CUX1: variants seen among roughly 807,000 people sequenced by gnomAD.
The protein encoded by CUX1 is cut like homeobox 1, also known as protein CASP.
In CUX1, 31 loss-of-function variants were observed where a neutral mutation model predicts 158.8. The observed-to-expected ratio is 0.20, with a 90% CI of 0.15 to 0.26. The LOEUF (loss-of-function observed/expected upper bound fraction) is 0.26. CUX1 is among the 10% of genes least tolerant of loss of function. The pLI is 1.00. For missense variants in CUX1, 1,589 were observed against 2,014.6 expected (o/e 0.79, Z 4.04); for synonymous variants, 879 against 862.1 (o/e 1.02, Z -0.34).
intron 5 of CUX1, among the ~76,000 whole-genome samples, chr7:102,100,234 C>A (rs1295931290): frequency 6.6e-6 from 1 of 152,138 alleles, no homozygotes; most frequent in Admixed American, 6.5e-5. Context: ...GCTAAGATCA[C>A]ACCACTGTAC....
At chr7:101,875,699 G>A (rs530911801) in intron 1 of CUX1, among the ~76,000 whole-genome samples, 7 of 152,296 alleles carry the variant, frequency 4.6e-5, no homozygotes, top group South Asian at 2.1e-4. Context: ...CAGTGCCCAC[G>A]GGTAGGTGCG....
intron 2 of CUX1, among the ~76,000 whole-genome samples, chr7:101,918,702 C>G (rs1245688759): frequency 6.6e-6 from 1 of 152,248 alleles, no homozygotes; most frequent in Non-Finnish European, 1.5e-5. Flanking sequence ...GGGGCGCCCA[C>G]GCGGAAAGTC....
intron 2 of CUX1, among the ~76,000 whole-genome samples, chr7:101,994,663 G>A (rs1815593580): frequency 6.6e-6 from 1 of 152,146 alleles, no homozygotes; most frequent in South Asian, 2.1e-4. Context: ...CTGGACCTGG[G>A]CTGAAGGCTT....
intron 4 of CUX1, among the ~76,000 whole-genome samples, chr7:102,088,503 G>A (rs1554481265): frequency 6.6e-6 from 1 of 151,808 alleles, no homozygotes; most frequent in Admixed American, 6.6e-5. Flanking sequence ...GTGTGATGGT[G>A]CACACCTGTA....
At chr7:102,175,994 G>T (rs528764253) in intron 10 of CUX1, among the ~76,000 whole-genome samples, 1 of 152,350 alleles carries the variant, frequency 6.6e-6, no homozygotes, top group Admixed American at 6.5e-5. Context: ...AGCTCACGCT[G>T]CACAGAACGG....
At chr7:102,280,239 C>A in intron 19 of CUX1, 1 of 655,946 alleles carries the variant, frequency 1.5e-6, no homozygotes, top group South Asian at 1.8e-5. Context: ...TCCCCTCCAC[C>A]TGCCCTTGTC....
chr7:102,259,233 G>A (rs1790194810), downstream of CUX1, among the ~76,000 whole-genome samples: 1 of 152,184 alleles, frequency 6.6e-6, no homozygotes, highest in Non-Finnish European at 1.5e-5. Flanking sequence ...ACTTAGGGCC[G>A]GGGGTGTCTC....
intron 4 of CUX1, among the ~76,000 whole-genome samples, chr7:102,089,353 G>A (rs1431916698): frequency 1.3e-5 from 2 of 152,142 alleles, no homozygotes; most frequent in Admixed American, 6.5e-5. Context: ...TGCATGTCTA[G>A]TAATTTCCTA....
chr7:102,205,134 C>A lies in CUX1; in HGVS notation c.3094C>A (p.Leu1032Ile), dbSNP rs140236085. ...TTTAGTCCTCCACTCCGTGACATCG[C>A]TCCAGGACCCGCTGCAGCAGGGCTG... Reference protein sequence around the residue: ...QGPVLHSVTSLQDPLQQGCVS... With the variant: ...QGPVLHSVTSIQDPLQQGCVS... Residue 1032 changes from leucine to isoleucine, a missense_variant, in exon 20 of 24, where the codon CTC becomes ATC. Transcript: ENST00000292535. 1 of 1,611,898 alleles carries A rather than the reference C, an allele frequency of 6.2e-7. No homozygotes were observed. Among genetic ancestry groups the A allele is most frequent in the African/African-American group, 1.3e-5 (1 of 74,910 alleles).
chr7:102,093,976 C>T (rs192036738), intron 4 of CUX1, among the ~76,000 whole-genome samples: 2 of 152,118 alleles, frequency 1.3e-5, no homozygotes, highest in African/African-American at 2.4e-5. Flanking sequence ...ATCTGACGTT[C>T]GCATAAGACC....
rs11427183 is a variant in CUX1, at chr7:102,041,256, CTTTTTTT to C, written c.189+13132_189+13138del. ...GGGAGATTGTCACCTCTTATCCATT[CTTTTTTT>C]TTTTTTTTTTTTTTTTTTTTGAAAT... is the stretch of plus-strand genomic sequence containing the variant. On this transcript the variant is annotated intron_variant, in intron 3 of 23. Coordinates refer to ENST00000292535, the MANE Select transcript of CUX1 (RefSeq NM_181552.4). Among the ~76,000 whole-genome samples, 19 of 69,912 alleles carry C rather than the reference CTTTTTTT, an allele frequency of 2.7e-4. No individual in the cohort carries two copies. In the South Asian group the frequency reaches 2.9e-3, roughly 11 times the overall value. The allele number at this position is 69,912 out of a possible 152,430, so 45.9% of individuals were successfully genotyped here.
chr7:102,028,515 G>A (rs1820325536), intron 3 of CUX1, among the ~76,000 whole-genome samples: 1 of 152,224 alleles, frequency 6.6e-6, no homozygotes, highest in South Asian at 2.1e-4. Context: ...TGCCATGAGT[G>A]TGTGCCATAA....
At position 102,253,307 on chromosome 7, in the gene CUX1, C is replaced by G; in HGVS notation, c.*4265C>G. The stretch of plus-strand genomic sequence containing the variant: ...CTCCCTCCTTGGCCAGGGCCAGCAT[C>G]AGGCGTGCAGCTCATGACCAGTTTA... On this transcript the variant is annotated 3_prime_UTR_variant, in exon 24 of 24. Transcript: ENST00000292535. The G allele has an allele frequency of 1.0e-6, 1 of 985,584 alleles. No individual in the cohort carries two copies. 61.1% of individuals were successfully genotyped at this position (985,584 alleles called of 1,614,324 possible).
In CUX1 at chr7:102,015,579, G is replaced by A. The variant is rs564803229; in HGVS notation, c.142-12519G>A. 2.6e-5 allele frequency among the ~76,000 whole-genome samples: 4 copies of A among 152,258 alleles called. No homozygotes were observed. In the South Asian group the frequency reaches 8.3e-4, roughly 32 times the overall value. On this transcript the variant is annotated intron_variant, in intron 2 of 23. Transcript: ENST00000292535. Reference sequence around the variant, plus strand: ...AAGGAAAAAGAAAAACCATAATTGTGTTCACTTAGAAACATCTCCCATTTC... The same window carrying A: ...AAGGAAAAAGAAAAACCATAATTGTATTCACTTAGAAACATCTCCCATTTC...
In CUX1 at chr7:102,197,024, A is replaced by G. The variant is rs1379502978; in HGVS notation, c.1613A>G (p.Gln538Arg). Residue 538 changes from glutamine to arginine, a missense_variant, in exon 15 of 24, where the codon CAG becomes CGG. By Grantham distance (43) the Gln-to-Arg change is conservative. Transcript: ENST00000292535. ...DVNGMAPSPS[Q>R]SESAGSVSEG... ...AATGGCATGGCCCCATCCCCCAGCC[A>G]GTCAGAAAGTGCTGGGAGCGTCTCC... The G allele has an allele frequency of 6.2e-7, 1 of 1,614,140 alleles. No individual in the cohort carries two copies. The highest frequency in any genetic ancestry group is 8.5e-7 in the Non-Finnish European group (1 of 1,180,052).
intron 2 of CUX1, among the ~76,000 whole-genome samples, chr7:101,984,070 C>A (rs1585172681): frequency 2.4e-5 from 1 of 42,492 alleles, no homozygotes; most frequent in East Asian, 5.2e-4. Flanking sequence ...AAGACTCTGT[C>A]CCCCCCCAAA....
intron 3 of CUX1, among the ~76,000 whole-genome samples, chr7:102,035,903 G>C (rs1417065695): frequency 6.6e-6 from 1 of 151,918 alleles, no homozygotes; most frequent in Non-Finnish European, 1.5e-5. Context: ...ACAGAGTCTC[G>C]CTCTGTCACC....
intron 2 of CUX1, among the ~76,000 whole-genome samples, chr7:102,006,745 T>C (rs1817421676): frequency 6.6e-6 from 1 of 152,230 alleles, no homozygotes; most frequent in South Asian, 2.1e-4. Flanking sequence ...GGCTGTCATC[T>C]TCAGAAACTG....
Position 102,064,076 on chromosome 7 carries a change from G to T in CUX1, c.190-6263G>T, listed in dbSNP as rs190347867. On this transcript the variant is annotated intron_variant, in intron 3 of 23. Transcript: ENST00000292535. Reference sequence around the variant, plus strand: ...AACTGGGAGTGACTGGGTGTGGCAGGAGTGTGAGGCATGGCAGGAGGTGAG... The same window carrying T: ...AACTGGGAGTGACTGGGTGTGGCAGTAGTGTGAGGCATGGCAGGAGGTGAG... Among the ~76,000 whole-genome samples the T allele has an allele frequency of 5.0e-3, 764 of 152,322 alleles. 6 individuals are homozygous for T. The highest frequency in any genetic ancestry group is 0.018 in the African/African-American group (739 of 41,568).
Sources: allele counts gnomAD v4.1 joint callset (sites outside exome capture counted in the v4.1 genomes callset), GRCh38; gene constraint gnomAD v4.1.1; transcripts MANE v1.5; gene names NCBI Gene and HGNC (gene_info 2026-07-23, HGNC 2026-07-21).